PEAK1: variants seen among roughly 807,000 people sequenced by gnomAD.
The protein encoded by PEAK1 is pseudopodium enriched atypical kinase 1.
In PEAK1, 54 loss-of-function variants were observed where a neutral mutation model predicts 124.7. The ratio of observed to expected loss-of-function variants is 0.43; its 90% CI spans 0.35 to 0.54. The LOEUF is 0.54. Ranked by LOEUF, PEAK1 falls within the 20% of genes least tolerant of loss-of-function variation. PEAK1 has a pLI of 0.01. For synonymous variants in PEAK1, 719 were observed against 760.0 expected, an observed-to-expected ratio of 0.95 and a Z score of 0.89; for missense variants, 2,046 against 2,134.5, an observed-to-expected ratio of 0.96 and a Z score of 0.82.
intron 1 of PEAK1, chr15:77,418,678 T>C (rs753023141): frequency 3.0e-5 from 30 of 985,402 alleles, no homozygotes; most frequent in Non-Finnish European, 3.4e-5. Flanking sequence ...TGCTCTGAGA[T>C]TACGAGAGAA....
At chr15:77,158,233 T>C (rs1040982464) in intron 8 of PEAK1, 4 of 379,272 alleles carry the variant, frequency 1.1e-5, no homozygotes, top group African/African-American at 6.0e-5. Context: ...CTGAAATAAT[T>C]AACAAGTTCA....
intron 2 of PEAK1, among the ~76,000 whole-genome samples, chr15:77,339,052 C>A (rs1040632045): frequency 6.6e-6 from 1 of 150,844 alleles, no homozygotes; most frequent in South Asian, 2.1e-4. Flanking sequence ...GAGGAATTCA[C>A]AAGGGAGGGT....
At chr15:77,350,093 GCATA>G in intron 2 of PEAK1, 1 of 985,378 alleles carries the variant, frequency 1.0e-6, no homozygotes, top group Non-Finnish European at 1.2e-6. Flanking sequence ...CATAATAAGA[GCATA>G]CCCCCAAATA....
chr15:77,241,657 G>A (rs1226429552), intron 6 of PEAK1, among the ~76,000 whole-genome samples: 1 of 151,408 alleles, frequency 6.6e-6, no homozygotes, highest in Non-Finnish European at 1.5e-5. Flanking sequence ...AAAATCAATT[G>A]TATTTCTATA....
intron 6 of PEAK1, among the ~76,000 whole-genome samples, chr15:77,251,336 GA>G (rs1307573898): frequency 6.6e-6 from 1 of 152,044 alleles, no homozygotes; most frequent in African/African-American, 2.4e-5. Context: ...TTCACAAGAA[GA>G]AAAAATCTTA....
intron 2 of PEAK1, among the ~76,000 whole-genome samples, chr15:77,358,964 G>C (rs2067705955): frequency 2.0e-5 from 3 of 152,144 alleles, no homozygotes; most frequent in Admixed American, 2.0e-4. Flanking sequence ...ACTTAGCATA[G>C]GGTCTGGCAT....
chr15:77,360,359 C>T (rs1252053001), intron 2 of PEAK1, among the ~76,000 whole-genome samples: 1 of 151,782 alleles, frequency 6.6e-6, no homozygotes, highest in African/African-American at 2.4e-5. Flanking sequence ...CCAAAAGCAA[C>T]CAAAAAAATA....
At chr15:77,151,991 GA>G (rs1303644058) in intron 8 of PEAK1, among the ~76,000 whole-genome samples, 1 of 152,120 alleles carries the variant, frequency 6.6e-6, no homozygotes, top group Non-Finnish European at 1.5e-5. Flanking sequence ...GGTTTCATAT[GA>G]ACTTTAAAGT....
chr15:77,392,116 C>T (rs1393585169), intron 1 of PEAK1, among the ~76,000 whole-genome samples: 1 of 152,164 alleles, frequency 6.6e-6, no homozygotes, highest in Non-Finnish European at 1.5e-5. Flanking sequence ...GACTGTAGTT[C>T]ATTCATTTTT....
At chr15:77,186,486 C>T (rs2057553931) in intron 6 of PEAK1, among the ~76,000 whole-genome samples, 1 of 152,182 alleles carries the variant, frequency 6.6e-6, no homozygotes, top group Non-Finnish European at 1.5e-5. Flanking sequence ...GTTGTGTGCA[C>T]TAGGAACCCA....
At chr15:77,315,037 C>A (rs1041937809) in intron 2 of PEAK1, among the ~76,000 whole-genome samples, 16 of 151,828 alleles carry the variant, frequency 1.1e-4, no homozygotes, top group African/African-American at 3.9e-4. Context: ...CCATGTGTTC[C>A]CTGAATCTAA....
intron 6 of PEAK1, among the ~76,000 whole-genome samples, chr15:77,234,899 G>C (rs1380358727): frequency 1.3e-5 from 2 of 152,068 alleles, no homozygotes; most frequent in Non-Finnish European, 2.9e-5. Flanking sequence ...ATCCTCCCTT[G>C]AGAACTGGAT....
In PEAK1 at chr15:77,133,484, C is replaced by G; in HGVS notation, c.3598G>C (p.Gly1200Arg). Residue 1200 changes from glycine (G) to arginine (R), a missense_variant, in exon 9 of 10, where the codon GGT (glycine) becomes CGT (arginine). Gly to Arg is a moderately radical substitution (Grantham distance 125, BLOSUM62 -2). Transcript: ENST00000682557. This position sits in a 1 kb window ranked among gnomAD's most constrained non-coding sequence, Gnocchi z 4.2. Reference sequence around the variant, plus strand: ...TTGAGTTCATAGCTGATGGAAGAACCAGCACTGCTGGCATCCCAGTTGGGG... The same window carrying G: ...TTGAGTTCATAGCTGATGGAAGAACGAGCACTGCTGGCATCCCAGTTGGGG... ...IDPNWDASSA[G>R]SSISYELKGL... 6.2e-7 allele frequency: 1 copy of G among 1,614,190 alleles called. No individual in the cohort carries two copies. Among genetic ancestry groups the G allele is most frequent in the Non-Finnish European group, 8.5e-7 (1 of 1,180,038 alleles).
chr15:77,362,878 C>T (rs1028201930), intron 2 of PEAK1, among the ~76,000 whole-genome samples: 8 of 151,900 alleles, frequency 5.3e-5, no homozygotes, highest in African/African-American at 1.9e-4. Context: ...TTTTTTTAGA[C>T]GGAGTCTTAC....
intron 2 of PEAK1, among the ~76,000 whole-genome samples, chr15:77,355,608 C>G (rs2067471298): frequency 1.3e-5 from 2 of 152,096 alleles, no homozygotes; most frequent in African/African-American, 4.8e-5. Context: ...TCTGTAGGAC[C>G]CTTTGCTGCA....
chr15:77,267,951 T>TA (rs35127488), intron 5 of PEAK1, among the ~76,000 whole-genome samples: 160 of 149,078 alleles, frequency 1.1e-3, no homozygotes, highest in Non-Finnish European at 1.8e-3. Flanking sequence ...GTCCAAGAAA[T>TA]AAAAAAAAAT....
chr15:77,393,261 G>C (rs1441481977), intron 1 of PEAK1, among the ~76,000 whole-genome samples: 4 of 152,150 alleles, frequency 2.6e-5, no homozygotes, highest in Non-Finnish European at 5.9e-5. Context: ...GTGGACTTTG[G>C]GGAGTACACA....
chr15:77,196,098 G>A (rs1034653642), intron 6 of PEAK1, among the ~76,000 whole-genome samples: 1 of 152,182 alleles, frequency 6.6e-6, no homozygotes, highest in African/African-American at 2.4e-5. Context: ...AGATCTTACA[G>A]ACTCATCAAG....
chr15:77,254,430 T>C (rs2061031426), intron 5 of PEAK1, among the ~76,000 whole-genome samples: 1 of 152,076 alleles, frequency 6.6e-6, no homozygotes, highest in Non-Finnish European at 1.5e-5. Flanking sequence ...TGAGTATTTA[T>C]TATTTTGTTT....
Sources: gnomAD v4.1 joint callset for allele counts (sites outside exome capture counted in the v4.1 genomes callset) on GRCh38, gnomAD v4.1.1 for gene constraint, Gnocchi (gnomAD v3.1) non-coding constraint, MANE v1.5 for transcripts, NCBI Gene and HGNC (gene_info 2026-07-23, HGNC 2026-07-21) for gene names.